The following CNTN4 variants were observed in gnomAD, a reference collection of about 807,000 sequenced individuals.
The protein encoded by CNTN4 is contactin 4.
In CNTN4, 77 loss-of-function variants were observed where a neutral mutation model predicts 122.5. The observed-to-expected ratio is 0.63, with a 90% CI of 0.52 to 0.76. CNTN4 has a LOEUF of 0.76. Among genes scored for constraint, CNTN4 ranks in the 30% least tolerant of loss-of-function variants. CNTN4 has a pLI of 0.00. For missense variants in CNTN4, 1,256 were observed against 1,259.1 expected, an observed-to-expected ratio of 1.00 and a Z score of 0.04; for synonymous variants, 512 against 447.0, an observed-to-expected ratio of 1.15 and a Z score of -1.83.
intron 14 of CNTN4, among the ~76,000 whole-genome samples, chr3:3,010,841 C>T (rs895127368): frequency 2.0e-5 from 3 of 152,122 alleles, no homozygotes; most frequent in Non-Finnish European, 4.4e-5. Flanking sequence ...GTGTGAGTGA[C>T]ACCTAACCAC....
chr3:2,942,159 A>G (rs966085443), intron 13 of CNTN4, among the ~76,000 whole-genome samples: 6 of 152,238 alleles, frequency 3.9e-5, no homozygotes, highest in African/African-American at 1.4e-4. Context: ...TAAGTGTTCA[A>G]TAAATGAAGA....
chr3:2,922,478 A>C (rs931603279), intron 12 of CNTN4, among the ~76,000 whole-genome samples: 1 of 152,138 alleles, frequency 6.6e-6, no homozygotes, highest in African/African-American at 2.4e-5. Context: ...CAAGTATTCA[A>C]AAACTGATGG....
intron 3 of CNTN4, among the ~76,000 whole-genome samples, chr3:2,407,616 A>G (rs1226995849): frequency 6.6e-6 from 1 of 152,194 alleles, no homozygotes. Flanking sequence ...CTGACCACAT[A>G]CTTCGTACTT....
intron 3 of CNTN4, among the ~76,000 whole-genome samples, chr3:2,541,536 A>G (rs1270748277): frequency 1.3e-5 from 2 of 152,102 alleles, no homozygotes; most frequent in East Asian, 1.9e-4. Flanking sequence ...AATAGAAGGT[A>G]AGCTTTGGAA....
chr3:2,586,751 T>C (rs938869175), intron 4 of CNTN4, among the ~76,000 whole-genome samples: 2 of 149,542 alleles, frequency 1.3e-5, no homozygotes, highest in Non-Finnish European at 3.0e-5. Context: ...GTAGATGTCA[T>C]TTCCCATTGC....
chr3:2,834,898 C>CTTTTTTTTTTTTTTCTTTTTTT (rs60033461), intron 7 of CNTN4, among the ~76,000 whole-genome samples: 1 of 60,450 alleles, frequency 1.7e-5, no homozygotes, highest in African/African-American at 7.5e-5. Flanking sequence ...TAAAGGCAAC[C>CTTTTTTTTTTTTTTCTTTTTTT]TTTTTTTTTT....
At chr3:2,884,007 C>CAATCTTT (rs2093941164) in intron 9 of CNTN4, among the ~76,000 whole-genome samples, 1 of 152,136 alleles carries the variant, frequency 6.6e-6, no homozygotes, top group East Asian at 1.9e-4. Flanking sequence ...TGATCCGTGT[C>CAATCTTT]AATCTTTATG....
At chr3:2,145,924 T>G (rs940726969) in intron 2 of CNTN4, among the ~76,000 whole-genome samples, 1 of 148,762 alleles carries the variant, frequency 6.7e-6, no homozygotes, top group Non-Finnish European at 1.5e-5. Flanking sequence ...GATGCTGTAA[T>G]TACTACACTG....
chr3:2,419,522 T>C (rs978897340), intron 3 of CNTN4, among the ~76,000 whole-genome samples: 2 of 152,208 alleles, frequency 1.3e-5, no homozygotes, highest in Non-Finnish European at 2.9e-5. Context: ...GGCATTTTAG[T>C]GAAATGTAAT....
intron 2 of CNTN4, among the ~76,000 whole-genome samples, chr3:2,198,631 G>C (rs887742117): frequency 6.6e-6 from 1 of 152,104 alleles, no homozygotes; most frequent in South Asian, 2.1e-4. Flanking sequence ...GAAAAAGAGA[G>C]TATAAAAAAA....
Position 3,057,755 on chromosome 3 carries a change from C to A in CNTN4, c.*1535C>A, listed in dbSNP as rs1701903458. 6.6e-6 allele frequency: 1 copy of A among 152,380 alleles called. No individual in the cohort carries two copies. The highest frequency in any genetic ancestry group is 2.4e-5 in the African/African-American group (1 of 41,380). 9.4% of individuals were successfully genotyped at this position (152,380 alleles called of 1,614,324 possible). A position where few individuals can be genotyped will look rare whatever the true frequency, so the allele number is the denominator to read the frequency against. ...TATTGTCAGTATTTCAAGCTGTGTT[C>A]CTTTCTTAGTTTGATATGGTTACTT... On this transcript the variant is annotated 3_prime_UTR_variant, in exon 25 of 25. Coordinates refer to ENST00000418658, the MANE Select transcript of CNTN4 (RefSeq NM_175607.3).
chr3:2,778,997 T>A (rs983758794), intron 6 of CNTN4, among the ~76,000 whole-genome samples: 3 of 152,224 alleles, frequency 2.0e-5, no homozygotes, highest in African/African-American at 7.2e-5. Flanking sequence ...GACTCTTTAC[T>A]GTGTTAGCCT....
intron 2 of CNTN4, among the ~76,000 whole-genome samples, chr3:2,224,082 T>G (rs1461946473): frequency 6.6e-6 from 1 of 152,150 alleles, no homozygotes; most frequent in Non-Finnish European, 1.5e-5. Flanking sequence ...ATAGATATTT[T>G]TTACTAACGT....
intron 14 of CNTN4, among the ~76,000 whole-genome samples, chr3:3,019,067 T>C (rs931287436): frequency 6.6e-5 from 10 of 152,126 alleles, no homozygotes. Flanking sequence ...TAAGTAAGTA[T>C]ATAAATAAAT....
intron 2 of CNTN4, among the ~76,000 whole-genome samples, chr3:2,286,208 C>CGTGTGTGT (rs372804004): frequency 7.0e-6 from 1 of 143,038 alleles, no homozygotes; most frequent in Admixed American, 7.5e-5. Flanking sequence ...GATCTCCTGC[C>CGTGTGTGT]GTGTGTGTGT....
intron 2 of CNTN4, among the ~76,000 whole-genome samples, chr3:2,276,533 G>T (rs900511245): frequency 1.3e-5 from 2 of 152,042 alleles, no homozygotes; most frequent in African/African-American, 4.8e-5. Context: ...TAAGTGGTAG[G>T]TATTTAGAAA....
intron 1 of CNTN4, 58 bp from the exon 2 acceptor site, chr3:2,100,500 G>C (rs1468234004): frequency 6.6e-6 from 1 of 152,200 alleles, no homozygotes; most frequent in Non-Finnish European, 1.5e-5. Flanking sequence ...CCATACAATA[G>C]CGTTCCCAAG....
intron 3 of CNTN4, among the ~76,000 whole-genome samples, chr3:2,469,002 T>C (rs1559580724): frequency 6.6e-6 from 1 of 152,218 alleles, no homozygotes; most frequent in Non-Finnish European, 1.5e-5. Context: ...AAGATTGCTA[T>C]AATTGGCCTA....
intron 14 of CNTN4, among the ~76,000 whole-genome samples, chr3:3,004,672 A>T (rs1696431994): frequency 6.6e-6 from 1 of 152,240 alleles, no homozygotes; most frequent in Non-Finnish European, 1.5e-5. Context: ...ACTAAATTAG[A>T]TGATGTTTTA....
Sources: gnomAD v4.1 joint callset for allele counts (sites outside exome capture counted in the v4.1 genomes callset) on GRCh38, gnomAD v4.1.1 for gene constraint, MANE v1.5 for transcripts, NCBI Gene and HGNC (gene_info 2026-07-23, HGNC 2026-07-21) for gene names.